Variants in MRPS27 observed in about 807,000 individuals in gnomAD.
MRPS27 encodes small ribosomal subunit protein mS27.
Under a neutral mutation model 48.9 loss-of-function variants are expected in MRPS27, and 43 were observed. That is an observed-to-expected ratio of 0.88 (90% CI 0.69 to 1.13). MRPS27 has a LOEUF of 1.13. Ranked by LOEUF, MRPS27 falls within the 50% of genes most tolerant of loss-of-function variation. MRPS27 has a pLI of 0.00. For missense variants in MRPS27, 467 were observed against 476.3 expected, an observed-to-expected ratio of 0.98 and a Z score of 0.18; for synonymous variants, 188 against 171.9, an observed-to-expected ratio of 1.09 and a Z score of -0.73.
intron 4 of MRPS27, among the ~76,000 whole-genome samples, chr5:72,238,809 G>A (rs1318675658): frequency 6.6e-6 from 1 of 152,122 alleles, no homozygotes; most frequent in Non-Finnish European, 1.5e-5. Flanking sequence ...TACAGTAATA[G>A]TATACCTACA....
chr5:72,234,204 T>C lies in MRPS27; in HGVS notation c.397-7A>G. On this transcript the variant is annotated splice_polypyrimidine_tract_variant and splice_region_variant and intron_variant, in intron 5 of 10. Coordinates refer to ENST00000261413, the MANE Select transcript of MRPS27 (RefSeq NM_015084.3). ...GAAAAATTCCATATTGAACCTATAATGAAAATGAACATAACAGGAAAAAAA... is the reference window on the plus strand; with the variant it reads ...GAAAAATTCCATATTGAACCTATAACGAAAATGAACATAACAGGAAAAAAA... 6.7e-7 allele frequency: 1 copy of C among 1,484,366 alleles called. No homozygotes were observed. Among genetic ancestry groups the C allele is most frequent in the Non-Finnish European group, 9.0e-7 (1 of 1,117,198 alleles). 91.9% of individuals were successfully genotyped at this position (1,484,366 alleles called of 1,614,324 possible).
At chr5:72,234,298 A>G in intron 5 of MRPS27, 101 bp from the exon 6 acceptor site, 1 of 1,009,934 alleles carries the variant, frequency 9.9e-7, no homozygotes, top group Non-Finnish European at 1.3e-6. Flanking sequence ...TGCCACCATT[A>G]GCTTTAAAAT....
intron 9 of MRPS27, among the ~76,000 whole-genome samples, chr5:72,224,650 G>A (rs977949319): frequency 2.0e-5 from 3 of 152,118 alleles, no homozygotes; most frequent in South Asian, 2.1e-4. Context: ...TAGCTCACAT[G>A]GTATCTGTAA....
At chr5:72,300,539 C>G (rs2112070640) in intron 2 of MRPS27, among the ~76,000 whole-genome samples, 1 of 152,296 alleles carries the variant, frequency 6.6e-6, no homozygotes, top group Non-Finnish European at 1.5e-5. Flanking sequence ...ATTTCCTCAA[C>G]CTTCCACTTT....
At chr5:72,305,439 A>G (rs1233383956) in intron 2 of MRPS27, among the ~76,000 whole-genome samples, 5 of 152,244 alleles carry the variant, frequency 3.3e-5, no homozygotes, top group Non-Finnish European at 7.3e-5. Flanking sequence ...CTAAAATGGA[A>G]GAAGTGTCTG....
chr5:72,295,788 C>A (rs1430364051), intron 3 of MRPS27, among the ~76,000 whole-genome samples, 199 bp from the exon 4 acceptor site: 1 of 152,174 alleles, frequency 6.6e-6, no homozygotes, highest in Non-Finnish European at 1.5e-5. Flanking sequence ...AAAGAATATA[C>A]AATGGCTTCT....
chr5:72,233,013 C>G (rs999480401), intron 6 of MRPS27, among the ~76,000 whole-genome samples: 5 of 152,148 alleles, frequency 3.3e-5, no homozygotes, highest in African/African-American at 9.7e-5. Flanking sequence ...GTCACCCTGA[C>G]AGGCAGAGCA....
chr5:72,250,491 G>A (rs2111982141), intron 4 of MRPS27, among the ~76,000 whole-genome samples: 1 of 152,260 alleles, frequency 6.6e-6, no homozygotes. Context: ...ACATGAGAGA[G>A]GACTCGATGC....
chr5:72,257,250 C>T (rs1041714687), intron 4 of MRPS27, among the ~76,000 whole-genome samples: 4 of 152,246 alleles, frequency 2.6e-5, no homozygotes, highest in South Asian at 2.1e-4. Flanking sequence ...TCGTTTCCAG[C>T]GCTGTAAAAT....
At position 72,255,024 on chromosome 5, in the gene MRPS27, CTTT is replaced by C. The variant is rs1279261279; in HGVS notation, c.282-16899_282-16897del. On this transcript the variant is annotated intron_variant, in intron 4 of 10. Transcript: ENST00000261413. Reference sequence around the variant, plus strand: ...ACCACATCTAAAATGTAACACATTTCTTTTCTTTTTTTTTTTTTTTTTTTTTTT... The same window carrying C: ...ACCACATCTAAAATGTAACACATTTCTCTTTTTTTTTTTTTTTTTTTTTTT... Among the ~76,000 whole-genome samples, 249 of 91,886 alleles carry C rather than the reference CTTT, an allele frequency of 2.7e-3. 1 individual carries two copies. The highest frequency in any genetic ancestry group is 4.5e-3 in the Non-Finnish European group (199 of 44,360). The allele number at this position is 91,886 out of a possible 152,430, so 60.3% of individuals were successfully genotyped here. A position where few individuals can be genotyped will look rare whatever the true frequency, so the allele number is the denominator to read the frequency against.
At chr5:72,289,815 T>G (rs540972934) in intron 4 of MRPS27, among the ~76,000 whole-genome samples, 67 of 152,336 alleles carry the variant, frequency 4.4e-4, no homozygotes, top group African/African-American at 1.5e-3. Flanking sequence ...GCAGATCAAA[T>G]TATCAGTTCT....
chr5:72,306,281 A>G (rs1378410265), intron 2 of MRPS27, among the ~76,000 whole-genome samples: 1 of 152,258 alleles, frequency 6.6e-6, no homozygotes, highest in Non-Finnish European at 1.5e-5. Context: ...TTCAAATGAA[A>G]TAACAAATCT....
At chr5:72,232,584 A>G (rs1334816032) in intron 6 of MRPS27, 26 bp from the exon 7 acceptor site, 1 of 1,487,170 alleles carries the variant, frequency 6.7e-7, no homozygotes, top group East Asian at 2.3e-5. Flanking sequence ...AGTAAAAAAG[A>G]GAGGAAATTA....
At chr5:72,295,051 TTGTGTGTG>T (rs746811892) in intron 4 of MRPS27, among the ~76,000 whole-genome samples, 3 of 150,992 alleles carry the variant, frequency 2.0e-5, no homozygotes, top group Admixed American at 2.0e-4. Context: ...GTGTGTGTGT[TTGTGTGTG>T]TGTGTATAAA....
intron 4 of MRPS27, among the ~76,000 whole-genome samples, chr5:72,267,097 T>G (rs913410910): frequency 1.3e-5 from 2 of 152,206 alleles, no homozygotes; most frequent in African/African-American, 4.8e-5. Flanking sequence ...CAACTTTATA[T>G]GTTTATTTTA....
intron 2 of MRPS27, among the ~76,000 whole-genome samples, chr5:72,298,134 G>A (rs541015508): frequency 2.6e-5 from 4 of 152,216 alleles, no homozygotes; most frequent in South Asian, 2.1e-4. Context: ...CTACGCATCC[G>A]ACAAAGGTCT....
chr5:72,276,372 T>C (rs947880938), intron 4 of MRPS27, among the ~76,000 whole-genome samples: 4 of 152,006 alleles, frequency 2.6e-5, no homozygotes, highest in South Asian at 2.1e-4. Flanking sequence ...ATGCAGAAAA[T>C]TGAAACTGGA....
At chr5:72,280,238 C>T (rs886873862) in intron 4 of MRPS27, among the ~76,000 whole-genome samples, 2 of 152,106 alleles carry the variant, frequency 1.3e-5, no homozygotes, top group Admixed American at 6.5e-5. Context: ...GGGTCATCTT[C>T]TCAGGTTCCC....
At chr5:72,291,812 T>TG (rs1749827190) in intron 4 of MRPS27, among the ~76,000 whole-genome samples, 1 of 152,268 alleles carries the variant, frequency 6.6e-6, no homozygotes, top group South Asian at 2.1e-4. Context: ...CAGCATGGTC[T>TG]GGCCTATCTC....
Sources: gnomAD v4.1 joint callset for allele counts (sites outside exome capture counted in the v4.1 genomes callset) on GRCh38, gnomAD v4.1.1 for gene constraint, MANE v1.5 for transcripts, NCBI Gene and HGNC (gene_info 2026-07-23, HGNC 2026-07-21) for gene names.